CNTN3: variants seen among roughly 807,000 people sequenced by gnomAD.
CNTN3 encodes the protein contactin 3, also known as contactin-3.
CNTN3 carries 60 observed loss-of-function variants against 119.1 expected under a neutral mutation model. The observed-to-expected ratio is 0.50, with a 90% CI of 0.41 to 0.62. CNTN3 has a LOEUF of 0.62. Among genes scored for constraint, CNTN3 ranks in the 20% least tolerant of loss-of-function variants. The pLI, the probability that CNTN3 is intolerant of heterozygous loss-of-function variation, is 0.00. For missense variants in CNTN3, 1,101 were observed against 1,242.4 expected, an observed-to-expected ratio of 0.89 and a Z score of 1.71; for synonymous variants, 450 against 438.7, an observed-to-expected ratio of 1.03 and a Z score of -0.32.
chr3:74,539,344 C>T (rs569620928), intron 1 of CNTN3, among the ~76,000 whole-genome samples: 4 of 152,234 alleles, frequency 2.6e-5, no homozygotes, highest in African/African-American at 9.6e-5. Context: ...CATTTACTGA[C>T]TATCTTGTGC....
intron 13 of CNTN3, among the ~76,000 whole-genome samples, chr3:74,326,934 A>T (rs1057412357): frequency 2.6e-5 from 4 of 152,114 alleles, no homozygotes; most frequent in African/African-American, 9.7e-5. Flanking sequence ...TGGAAGAAGT[A>T]TCTTTGTGTT....
chr3:74,282,510 T>G (rs1393188323), intron 20 of CNTN3, among the ~76,000 whole-genome samples: 1 of 152,214 alleles, frequency 6.6e-6, no homozygotes, highest in Non-Finnish European at 1.5e-5. Context: ...GTGCTGGGTT[T>G]GTGCTGGGCA....
intron 1 of CNTN3, among the ~76,000 whole-genome samples, chr3:74,575,539 C>T (rs958234087): frequency 1.3e-5 from 2 of 150,752 alleles, no homozygotes; most frequent in Non-Finnish European, 2.9e-5. Flanking sequence ...TGTGAGCCAC[C>T]GCACCGAGCT....
chr3:74,344,537 T>C lies in CNTN3; in HGVS notation c.1365-7879A>G, dbSNP rs562817834. Among the ~76,000 whole-genome samples, 4 of 92,924 alleles carry C rather than the reference T, an allele frequency of 4.3e-5. No homozygotes were observed. The South Asian group carries it at 1.6e-3, about 38-fold the overall frequency. The allele number at this position is 92,924 out of a possible 152,430, so 61.0% of individuals were successfully genotyped here. A position where few individuals can be genotyped will look rare whatever the true frequency, so the allele number is the denominator to read the frequency against. ...GCCTCCCGAGTTCACGCCATTCTCC[T>C]GCTTCAGCCTCCCGGGTTCACGCCA... On this transcript the variant is annotated intron_variant, in intron 11 of 22. Transcript: ENST00000263665.
intron 5 of CNTN3, among the ~76,000 whole-genome samples, chr3:74,423,855 C>T (rs906794849): frequency 2.0e-5 from 3 of 152,142 alleles, no homozygotes; most frequent in Non-Finnish European, 4.4e-5. Context: ...TGGCCAGATC[C>T]TGAAGATGGG....
chr3:74,591,553 T>C (rs1021061616), intron 1 of CNTN3, among the ~76,000 whole-genome samples: 9 of 151,790 alleles, frequency 5.9e-5, no homozygotes, highest in African/African-American at 2.2e-4. Context: ...GCAGCTGTAG[T>C]CACTGTAATG....
intron 20 of CNTN3, among the ~76,000 whole-genome samples, chr3:74,279,343 A>G (rs537016741): frequency 6.6e-6 from 1 of 152,298 alleles, no homozygotes; most frequent in Non-Finnish European, 1.5e-5. Flanking sequence ...CAATTGCAAA[A>G]ATGTGGAATC....
chr3:74,606,915 A>G (rs1705001878), intron 1 of CNTN3, among the ~76,000 whole-genome samples: 1 of 152,200 alleles, frequency 6.6e-6, no homozygotes, highest in African/African-American at 2.4e-5. Flanking sequence ...AGCGCAATAC[A>G]TTACTACTAA....
chr3:74,545,281 G>A (rs1350964702), intron 1 of CNTN3, among the ~76,000 whole-genome samples: 3 of 152,116 alleles, frequency 2.0e-5, no homozygotes, highest in African/African-American at 4.8e-5. Flanking sequence ...AATCTCTGGT[G>A]GGATGCCAAT....
intron 1 of CNTN3, among the ~76,000 whole-genome samples, chr3:74,584,506 C>T (rs1704563016): frequency 6.6e-6 from 1 of 151,996 alleles, no homozygotes; most frequent in African/African-American, 2.4e-5. Flanking sequence ...GACGTCTGCT[C>T]CCCTTTCCCT....
At chr3:74,449,955 T>G (rs985301081) in intron 4 of CNTN3, among the ~76,000 whole-genome samples, 1 of 152,168 alleles carries the variant, frequency 6.6e-6, no homozygotes, top group Non-Finnish European at 1.5e-5. Flanking sequence ...AAAGTACATT[T>G]CTTATTTTTA....
At chr3:74,535,696 T>C (rs909343788) in intron 1 of CNTN3, among the ~76,000 whole-genome samples, 2 of 152,254 alleles carry the variant, frequency 1.3e-5, no homozygotes, top group African/African-American at 4.8e-5. Context: ...CTGTGAACTC[T>C]TTATTTCAGA....
intron 3 of CNTN3, among the ~76,000 whole-genome samples, chr3:74,492,771 G>T (rs1270170841): frequency 2.0e-5 from 3 of 152,144 alleles, no homozygotes; most frequent in Non-Finnish European, 4.4e-5. Flanking sequence ...ATGTGTGTGT[G>T]TGTGTATGTG....
At chr3:74,454,550 C>A (rs1001840261) in intron 4 of CNTN3, among the ~76,000 whole-genome samples, 10 of 151,712 alleles carry the variant, frequency 6.6e-5, no homozygotes, top group Non-Finnish European at 8.8e-5. Context: ...TTGATCCTGT[C>A]ATTATGATGT....
chr3:74,542,994 G>A (rs1703862831), intron 1 of CNTN3, among the ~76,000 whole-genome samples: 1 of 152,100 alleles, frequency 6.6e-6, no homozygotes, highest in Non-Finnish European at 1.5e-5. Context: ...ATGGTGGCAT[G>A]TGCCTGTAGT....
At chr3:74,599,054 G>A (rs766213067) in intron 1 of CNTN3, among the ~76,000 whole-genome samples, 5 of 152,078 alleles carry the variant, frequency 3.3e-5, no homozygotes, top group Non-Finnish European at 5.9e-5. Context: ...GAAGTGGTTA[G>A]CATAACACTT....
intron 20 of CNTN3, among the ~76,000 whole-genome samples, chr3:74,284,285 G>C (rs900016771): frequency 5.9e-5 from 9 of 152,068 alleles, no homozygotes; most frequent in African/African-American, 2.2e-4. Context: ...TAGCAACCAA[G>C]CATAAAAATT....
intron 4 of CNTN3, among the ~76,000 whole-genome samples, chr3:74,444,483 T>C (rs1052953896): frequency 6.6e-6 from 1 of 152,142 alleles, no homozygotes; most frequent in Non-Finnish European, 1.5e-5. Context: ...GCTTTCCGTA[T>C]TTCTTCCCAG....
Position 74,301,417 on chromosome 3 carries a change from T to G in CNTN3, c.2076A>C (p.Lys692Asn). The G allele has an allele frequency of 6.2e-7, 1 of 1,614,082 alleles. No individual in the cohort carries two copies. Among genetic ancestry groups the G allele is most frequent in the African/African-American group, 1.3e-5 (1 of 75,052 alleles). Residue 692 changes from lysine to asparagine, a missense_variant, in exon 16 of 23, where the codon AAA becomes AAC. Transcript: ENST00000263665. Reference sequence around the variant, plus strand: ...ACTAACCTGCCTCTTCAGTTCTTACTTTTTCTGAGGGTAAACTTGGTTCTC... The same window carrying G: ...ACTAACCTGCCTCTTCAGTTCTTACGTTTTCTGAGGGTAAACTTGGTTCTC... Reference protein sequence around the residue: ...GGGEPSLPSEKVRTEEAVPEV... With the variant: ...GGGEPSLPSENVRTEEAVPEV...
Sources: allele counts gnomAD v4.1 joint callset (sites outside exome capture counted in the v4.1 genomes callset), GRCh38; gene constraint gnomAD v4.1.1; transcripts MANE v1.5; gene names NCBI Gene and HGNC (gene_info 2026-07-23, HGNC 2026-07-21).